The following RBFOX1 variants were observed in gnomAD, a reference collection of about 807,000 sequenced individuals.
RBFOX1 encodes RNA binding protein fox-1 homolog 1.
RBFOX1 carries 8 observed loss-of-function variants against 57.7 expected under a neutral mutation model. The observed-to-expected ratio is 0.14, with a 90% CI of 0.08 to 0.25. The LOEUF (loss-of-function observed/expected upper bound fraction) is 0.25, where lower values mean the gene tolerates loss of function less well. RBFOX1 is among the 10% of genes least tolerant of loss of function. The probability of loss-of-function intolerance (pLI) is 1.00; values close to 1 mark genes in which losing one functional copy is unlikely to be tolerated. For missense variants in RBFOX1, 611 were observed against 548.5 expected, an observed-to-expected ratio of 1.11 and a Z score of -1.14; for synonymous variants, 326 against 222.4, an observed-to-expected ratio of 1.47 and a Z score of -4.15.
chr16:6,588,599 C>T (rs527729505), intron 2 of RBFOX1, among the ~76,000 whole-genome samples: 1 of 152,064 alleles, frequency 6.6e-6, no homozygotes, highest in Non-Finnish European at 1.5e-5. Context: ...TTGCAGTGAG[C>T]CGAGATCATG....
At chr16:5,662,744 A>G (rs958027290) in intron 3 of RBFOX1, among the ~76,000 whole-genome samples, 17 of 152,228 alleles carry the variant, frequency 1.1e-4, no homozygotes, top group African/African-American at 3.6e-4. Context: ...GGAGGTTTGA[A>G]GTTCCAGTGC....
chr16:6,386,211 A>G (rs888616848), intron 2 of RBFOX1, among the ~76,000 whole-genome samples: 1 of 152,186 alleles, frequency 6.6e-6, no homozygotes, highest in African/African-American at 2.4e-5. Context: ...CTCGGATTAC[A>G]GGCGTAAGAA....
chr16:6,587,099 C>G lies in RBFOX1; in HGVS notation c.-63-67504C>G, dbSNP rs77764438. On this transcript the variant is annotated intron_variant, in intron 2 of 15. Transcript: ENST00000550418. ...AGTACCTAATTATTAACTGTAGTCA[C>G]CATGATGTACAACAGGTCTGTTGGA... Among the ~76,000 whole-genome samples the G allele has an allele frequency of 2.0e-5, 3 of 151,998 alleles. No individual in the cohort carries two copies. The South Asian group carries it at 6.2e-4, about 32-fold the overall frequency.
At chr16:6,876,317 G>A (rs539518954) in intron 3 of RBFOX1, among the ~76,000 whole-genome samples, 1 of 152,218 alleles carries the variant, frequency 6.6e-6, no homozygotes, top group East Asian at 1.9e-4. Context: ...ATATTCAATG[G>A]ACAATGAATG....
At chr16:6,360,948 TTTTTATTTTA>T (rs71145217) in intron 2 of RBFOX1, among the ~76,000 whole-genome samples, 26 of 150,406 alleles carry the variant, frequency 1.7e-4, no homozygotes, top group Admixed American at 7.9e-4. Flanking sequence ...TTTCACATCT[TTTTTATTTTA>T]TTTTATTTTA....
intron 2 of RBFOX1, among the ~76,000 whole-genome samples, chr16:5,540,819 G>A (rs550836122): frequency 2.6e-5 from 4 of 152,236 alleles, no homozygotes; most frequent in Admixed American, 6.5e-5. Context: ...TCCCAATTGC[G>A]CTGAATCTAA....
At chr16:5,919,150 T>C (rs373772208) in intron 4 of RBFOX1, among the ~76,000 whole-genome samples, 13 of 152,086 alleles carry the variant, frequency 8.5e-5, no homozygotes, top group Admixed American at 3.3e-4. Context: ...TATCCTGATA[T>C]GTAGAAAAAA....
At chr16:6,894,977 TAACA>T (rs1461726741) in intron 3 of RBFOX1, among the ~76,000 whole-genome samples, 1 of 152,118 alleles carries the variant, frequency 6.6e-6, no homozygotes, top group Non-Finnish European at 1.5e-5. Context: ...CTTCCAGAAC[TAACA>T]GAGACTCTGA....
chr16:7,132,467 C>G (rs1008023946), intron 4 of RBFOX1, among the ~76,000 whole-genome samples: 1 of 142,916 alleles, frequency 7.0e-6, no homozygotes, highest in East Asian at 2.0e-4. Context: ...CACACACACA[C>G]ACACACACAC....
intron 2 of RBFOX1, among the ~76,000 whole-genome samples, chr16:6,363,722 A>G (rs2089050332): frequency 6.6e-6 from 1 of 152,190 alleles, no homozygotes; most frequent in Non-Finnish European, 1.5e-5. Flanking sequence ...AGGAGAAACG[A>G]ATTTCACGTA....
At position 5,937,519 on chromosome 16, in the gene RBFOX1, C is replaced by G. The variant is rs910085086; in HGVS notation, c.351+70184C>G. Reference sequence around the variant, plus strand: ...TGAATATATAAATATTTGCAGGCAACTATATGATATATAGTTACATATTTA... The same window carrying G: ...TGAATATATAAATATTTGCAGGCAAGTATATGATATATAGTTACATATTTA... On this transcript the variant is annotated intron_variant, in intron 4 of 19. Coordinates refer to the RBFOX1 transcript ENST00000641259. Among the ~76,000 whole-genome samples, 8 of 151,728 alleles carry G rather than the reference C, an allele frequency of 5.3e-5. No individual in the cohort carries two copies. In the South Asian group the frequency reaches 1.5e-3, roughly 28 times the overall value.
chr16:7,687,602 C>T (rs1338266103), intron 14 of RBFOX1, among the ~76,000 whole-genome samples: 1 of 151,886 alleles, frequency 6.6e-6, no homozygotes, highest in East Asian at 1.9e-4. Flanking sequence ...TTCCATATGG[C>T]ACGTCTAGCA....
intron 3 of RBFOX1, among the ~76,000 whole-genome samples, chr16:5,699,383 T>C (rs2050955363): frequency 8.1e-6 from 1 of 123,504 alleles, no homozygotes; most frequent in African/African-American, 2.9e-5. Flanking sequence ...TTTTTTTTTT[T>C]TCTCCTGCTC....
Position 6,091,560 on chromosome 16 carries a change from T to C in RBFOX1, c.-127+71568T>C, listed in dbSNP as rs543521141. Among the ~76,000 whole-genome samples, 17 of 152,316 alleles carry C rather than the reference T, an allele frequency of 1.1e-4. No homozygotes were observed. The South Asian group carries it at 1.5e-3, about 13-fold the overall frequency. ...AAACATTTGTTGAGGCCGAGTGTCA[T>C]GGCTCACGCCTGTAATCCCAGGACT... On this transcript the variant is annotated intron_variant, in intron 1 of 15. Transcript: ENST00000550418.
At chr16:6,878,012 T>G (rs1270209193) in intron 3 of RBFOX1, among the ~76,000 whole-genome samples, 2 of 152,006 alleles carry the variant, frequency 1.3e-5, no homozygotes, top group African/African-American at 4.8e-5. Flanking sequence ...ATAGGAGGAA[T>G]TTAAGGATGT....
At chr16:6,680,994 C>G (rs1456813745) in intron 3 of RBFOX1, among the ~76,000 whole-genome samples, 2 of 152,152 alleles carry the variant, frequency 1.3e-5, no homozygotes, top group Non-Finnish European at 2.9e-5. Flanking sequence ...CTTCAAATTT[C>G]TGTACTGGTC....
At chr16:6,020,540 C>T (rs899076521) in intron 1 of RBFOX1, among the ~76,000 whole-genome samples, 2 of 152,116 alleles carry the variant, frequency 1.3e-5, no homozygotes, top group Admixed American at 6.5e-5. Context: ...ATCGATGCCC[C>T]GCGGTGCCAC....
chr16:5,582,123 T>A (rs1346479896), intron 2 of RBFOX1, among the ~76,000 whole-genome samples: 1 of 152,202 alleles, frequency 6.6e-6, no homozygotes, highest in Admixed American at 6.5e-5. Flanking sequence ...GCAGGCAGTC[T>A]CGAGGGAGCC....
chr16:6,666,000 A>G (rs1479973686), intron 3 of RBFOX1, among the ~76,000 whole-genome samples: 1 of 152,060 alleles, frequency 6.6e-6, no homozygotes, highest in African/African-American at 2.4e-5. Flanking sequence ...CCCTGTTCTC[A>G]TGGTAGTGAA....
Sources: allele counts gnomAD v4.1 joint callset (sites outside exome capture counted in the v4.1 genomes callset), GRCh38; gene constraint gnomAD v4.1.1; transcripts MANE v1.5; gene names NCBI Gene and HGNC (gene_info 2026-07-23, HGNC 2026-07-21).